KHDRBS2: variants seen among roughly 807,000 people sequenced by gnomAD.
KHDRBS2 encodes the protein KH RNA binding domain containing, signal transduction associated 2.
KHDRBS2 carries 26 observed loss-of-function variants against 44.3 expected under a neutral mutation model. The ratio of observed to expected loss-of-function variants is 0.59; its 90% CI spans 0.43 to 0.81. The LOEUF (loss-of-function observed/expected upper bound fraction) is 0.81. Among genes scored for constraint, KHDRBS2 ranks in the 40% least tolerant of loss-of-function variants. The pLI, the probability that KHDRBS2 is intolerant of heterozygous loss-of-function variation, is 0.00. For missense variants in KHDRBS2, 476 were observed against 433.1 expected (o/e 1.10, Z -0.88); for synonymous variants, 194 against 151.1 (o/e 1.28, Z -2.08).
At chr6:62,120,837 C>A (rs185343970) in intron 2 of KHDRBS2, among the ~76,000 whole-genome samples, 33 of 152,240 alleles carry the variant, frequency 2.2e-4, no homozygotes, top group African/African-American at 7.7e-4. Flanking sequence ...CGAGGAAGGA[C>A]CCCACTACAT....
chr6:61,549,517 G>A, the KHDRBS2 span, among the ~76,000 whole-genome samples: 17 of 152,042 alleles, frequency 1.1e-4, no homozygotes, highest in Non-Finnish European at 1.8e-4. Flanking sequence ...TATTTTCCAA[G>A]ACAAATAAAA....
intron 2 of KHDRBS2, among the ~76,000 whole-genome samples, chr6:62,079,288 A>G (rs982548500): frequency 3.1e-4 from 47 of 152,126 alleles, no homozygotes; most frequent in African/African-American, 1.1e-3. Context: ...TTACATGTTA[A>G]TCTTTCTTGT....
chr6:62,190,646 T>C (rs1468523532), intron 1 of KHDRBS2, among the ~76,000 whole-genome samples: 1 of 152,110 alleles, frequency 6.6e-6, no homozygotes, highest in Non-Finnish European at 1.5e-5. Context: ...TTTTACTCTA[T>C]ATTTACATTC....
chr6:62,083,204 GA>G (rs1797747538), intron 2 of KHDRBS2, among the ~76,000 whole-genome samples: 2 of 152,126 alleles, frequency 1.3e-5, no homozygotes, highest in Non-Finnish European at 2.9e-5. Context: ...GAGAAGGAGA[GA>G]AGAGAAGAAC....
the KHDRBS2 span, among the ~76,000 whole-genome samples, chr6:61,547,005 A>G: frequency 6.6e-6 from 1 of 152,040 alleles, no homozygotes; most frequent in Non-Finnish European, 1.5e-5. Flanking sequence ...ATGCGATTCC[A>G]TTGCAGGACA....
intron 6 of KHDRBS2, among the ~76,000 whole-genome samples, chr6:61,869,990 C>G (rs6927065): frequency 0.021 from 1,295 of 60,930 alleles, 26 homozygotes; most frequent in African/African-American, 0.1. Flanking sequence ...TTTTTTTTCC[C>G]CATACTACAG....
At chr6:61,665,846 A>T in the KHDRBS2 span, among the ~76,000 whole-genome samples, 5 of 151,052 alleles carry the variant, frequency 3.3e-5, no homozygotes, top group East Asian at 9.8e-4. Context: ...TTATCAACAA[A>T]TTAATAGATG....
At chr6:61,944,346 T>G (rs1812765392) in intron 4 of KHDRBS2, among the ~76,000 whole-genome samples, 1 of 152,130 alleles carries the variant, frequency 6.6e-6, no homozygotes, top group South Asian at 2.1e-4. Context: ...AATCATTTCA[T>G]TTGTAGCAAC....
At chr6:61,908,829 A>G (rs1454490946) in intron 4 of KHDRBS2, among the ~76,000 whole-genome samples, 1 of 152,162 alleles carries the variant, frequency 6.6e-6, no homozygotes, top group Non-Finnish European at 1.5e-5. Flanking sequence ...ATAGAATTAC[A>G]AATTACCGGG....
At position 61,713,581 on chromosome 6, in the gene KHDRBS2, CTTT is replaced by C. The variant is rs77315449; in HGVS notation, c.894-16331_894-16329del. 3.0e-4 allele frequency among the ~76,000 whole-genome samples: 44 copies of C among 144,310 alleles called. 1 individual carries two copies. Among genetic ancestry groups the C allele is most frequent in the Admixed American group, 3.5e-4 (5 of 14,380 alleles). The allele number at this position is 144,310 out of a possible 152,430, so 94.7% of individuals were successfully genotyped here. On this transcript the variant is annotated intron_variant, in intron 7 of 8. Coordinates refer to ENST00000281156, the MANE Select transcript of KHDRBS2 (RefSeq NM_152688.4). The stretch of plus-strand genomic sequence containing the variant: ...AAGTCAGGTGATCTGATACCTTTAG[CTTT>C]TTTTTTTTTTTCCCTTAGGATTGCT...
intron 4 of KHDRBS2, among the ~76,000 whole-genome samples, chr6:61,929,897 C>G (rs1285561256): frequency 6.6e-6 from 1 of 152,146 alleles, no homozygotes; most frequent in Non-Finnish European, 1.5e-5. Flanking sequence ...TACATAATCA[C>G]AACTATTTTA....
intron 3 of KHDRBS2, among the ~76,000 whole-genome samples, chr6:62,007,289 A>C (rs1779419799): frequency 6.6e-6 from 1 of 152,098 alleles, no homozygotes. Context: ...TTTTCTGTTT[A>C]AACAGTTTGT....
chr6:61,844,202 T>C (rs1424658571), intron 6 of KHDRBS2, among the ~76,000 whole-genome samples: 1 of 152,144 alleles, frequency 6.6e-6, no homozygotes, highest in Admixed American at 6.6e-5. Flanking sequence ...TATCATTACC[T>C]TTCCCTGGGA....
At chr6:61,862,438 C>A (rs483203) in intron 6 of KHDRBS2, among the ~76,000 whole-genome samples, 1 of 151,530 alleles carries the variant, frequency 6.6e-6, no homozygotes, top group Non-Finnish European at 1.5e-5. Context: ...CCATTCAGTA[C>A]GATATCATTG....
intron 4 of KHDRBS2, among the ~76,000 whole-genome samples, chr6:61,907,915 A>G (rs1420424950): frequency 1.3e-5 from 2 of 152,248 alleles, no homozygotes; most frequent in South Asian, 2.1e-4. Context: ...TACAGATTTG[A>G]GTAAACAAAT....
intron 2 of KHDRBS2, among the ~76,000 whole-genome samples, chr6:62,121,297 C>T (rs939338940): frequency 6.6e-6 from 1 of 152,148 alleles, no homozygotes; most frequent in Non-Finnish European, 1.5e-5. Context: ...ACATTCCATC[C>T]CTGGAGCGAT....
At position 62,169,171 on chromosome 6, in the gene KHDRBS2, G is replaced by GTGTGTATATATACGTATACATATACGTA. The variant is rs1562991954; in HGVS notation, c.219+8013_219+8014insTACGTATATGTATACGTATATATACACA. Among the ~76,000 whole-genome samples, 915 of 134,316 alleles carry GTGTGTATATATACGTATACATATACGTA rather than the reference G, an allele frequency of 6.8e-3. 8 individuals are homozygous for GTGTGTATATATACGTATACATATACGTA. Among genetic ancestry groups the GTGTGTATATATACGTATACATATACGTA allele is most frequent in the African/African-American group, 0.018 (624 of 35,470 alleles). The allele number at this position is 134,316 out of a possible 152,430, so 88.1% of individuals were successfully genotyped here. ...TGTGTATATATACGTACACATATAT[G>GTGTGTATATATACGTATACATATACGTA]TATATATGTATATATACGTATACAT... On this transcript the variant is annotated intron_variant, in intron 2 of 8. Coordinates refer to ENST00000281156, the MANE Select transcript of KHDRBS2 (RefSeq NM_152688.4).
At chr6:61,738,951 C>T (rs781032701) in intron 6 of KHDRBS2, among the ~76,000 whole-genome samples, 1 of 151,798 alleles carries the variant, frequency 6.6e-6, no homozygotes, top group Non-Finnish European at 1.5e-5. Context: ...GACATAAGTC[C>T]TATCTTTAAG....
At chr6:61,583,185 A>G in the KHDRBS2 span, among the ~76,000 whole-genome samples, 1 of 151,794 alleles carries the variant, frequency 6.6e-6, no homozygotes, top group African/African-American at 2.4e-5. Flanking sequence ...GATTTGTATC[A>G]CCACTGGTTA....
Sources: allele counts gnomAD v4.1 joint callset (sites outside exome capture counted in the v4.1 genomes callset), GRCh38; gene constraint gnomAD v4.1.1; transcripts MANE v1.5; gene names NCBI Gene and HGNC (gene_info 2026-07-23, HGNC 2026-07-21).